Variants in VPS53 observed in about 807,000 individuals in gnomAD.
The protein encoded by VPS53 is VPS53 subunit of GARP complex.
In VPS53, 70 loss-of-function variants were observed where a neutral mutation model predicts 107.0. That is an observed-to-expected ratio of 0.65 (90% CI 0.54 to 0.80). The LOEUF is 0.80. Ranked by LOEUF, VPS53 falls within the 30% of genes least tolerant of loss-of-function variation. The pLI is 0.00. For missense variants in VPS53, 917 were observed against 1,049.4 expected (o/e 0.87, Z 1.74); for synonymous variants, 409 against 393.3 (o/e 1.04, Z -0.47).
In VPS53 at chr17:631,647, A is replaced by G. The variant is rs770476875; in HGVS notation, c.609-19T>C. On this transcript the variant is annotated intron_variant, in intron 7 of 21. Transcript: ENST00000437048. Reference sequence around the variant, plus strand: ...CTTCACTCTGTGAGGAAGAGAGAACATATCATCACCTGGCATCATATCCTT... The same window carrying G: ...CTTCACTCTGTGAGGAAGAGAGAACGTATCATCACCTGGCATCATATCCTT... The G allele has an allele frequency of 1.2e-6, 2 of 1,610,032 alleles. No individual in the cohort carries two copies. The highest frequency in any genetic ancestry group is 1.7e-6 in the Non-Finnish European group (2 of 1,176,416).
Position 519,780 on chromosome 17 carries a change from G to GT in VPS53, c.2328+45dup, listed in dbSNP as rs140756478. The stretch of plus-strand genomic sequence containing the variant: ...CCAATTCCCGGTTAAGAACCGCTGA[G>GT]TGTGAGGGGGATGAGCAGGTGTGGA... On this transcript the variant is annotated intron_variant, in intron 21 of 21. Coordinates refer to ENST00000437048, the MANE Select transcript of VPS53 (RefSeq NM_001128159.3). This position sits in a 1 kb window ranked among gnomAD's most constrained non-coding sequence, Gnocchi z 5.0. 3.1e-3 allele frequency: 4,288 copies of GT among 1,363,888 alleles called. 89 individuals carry two copies. In the African/African-American group the frequency reaches 0.045, roughly 14 times the overall value. The allele number at this position is 1,363,888 out of a possible 1,614,324, so 84.5% of individuals were successfully genotyped here. A position where few individuals can be genotyped will look rare whatever the true frequency, so the allele number is the denominator to read the frequency against.
At chr17:536,911 T>C in intron 18 of VPS53, 117 bp downstream of exon 18, 1 of 1,332,052 alleles carries the variant, frequency 7.5e-7, no homozygotes, top group African/African-American at 1.5e-5. Flanking sequence ...GGGGGTCAGG[T>C]ACACGGGAAA....
intron 1 of VPS53, among the ~76,000 whole-genome samples, chr17:713,627 G>C (rs1256544961): frequency 6.6e-6 from 1 of 151,868 alleles, no homozygotes; most frequent in African/African-American, 2.4e-5. Flanking sequence ...ACTCCAACCT[G>C]GGCGAAAGAG....
chr17:630,767 C>T (rs1440830146), intron 8 of VPS53, among the ~76,000 whole-genome samples: 2 of 152,114 alleles, frequency 1.3e-5, no homozygotes, highest in African/African-American at 4.8e-5. Context: ...AATGTATGTC[C>T]CCATCTCTAC....
chr17:537,400 T>C, intron 17 of VPS53: 1 of 501,620 alleles, frequency 2.0e-6, no homozygotes, highest in Non-Finnish European at 3.5e-6. Context: ...ACCCAGACCC[T>C]TTCCTTTTCC....
intron 11 of VPS53, among the ~76,000 whole-genome samples, chr17:617,714 G>A (rs1454058296): frequency 4.2e-4 from 61 of 143,612 alleles, no homozygotes; most frequent in Middle Eastern, 3.8e-3. Context: ...ATCAGGCCCC[G>A]CTATTATTTC....
intron 18 of VPS53, among the ~76,000 whole-genome samples, chr17:533,172 G>T (rs921230193): frequency 1.3e-5 from 2 of 152,210 alleles, no homozygotes; most frequent in African/African-American, 4.8e-5. Context: ...GCTCGTCAGA[G>T]CACAGCATTC....
chr17:660,148 G>T (rs1286160920), intron 5 of VPS53, among the ~76,000 whole-genome samples: 1 of 152,228 alleles, frequency 6.6e-6, no homozygotes, highest in Non-Finnish European at 1.5e-5. Context: ...GAGTCAGACA[G>T]ATCTAGGGCT....
chr17:695,937 C>T (rs538487203), intron 4 of VPS53, among the ~76,000 whole-genome samples: 25 of 152,332 alleles, frequency 1.6e-4, no homozygotes, highest in African/African-American at 5.8e-4. Context: ...AGCTAAGCAG[C>T]AGAATGCAGC....
At chr17:612,084 T>C (rs1364996397) in intron 11 of VPS53, among the ~76,000 whole-genome samples, 1 of 148,272 alleles carries the variant, frequency 6.7e-6, no homozygotes, top group African/African-American at 2.5e-5. Flanking sequence ...ATTCACATAG[T>C]GAGTTCACAC....
chr17:664,369 C>T (rs879659276), intron 4 of VPS53, among the ~76,000 whole-genome samples: 5 of 152,026 alleles, frequency 3.3e-5, no homozygotes, highest in African/African-American at 7.2e-5. Flanking sequence ...TGAGCCGCCG[C>T]GCCCAGCCTG....
intron 6 of VPS53, among the ~76,000 whole-genome samples, chr17:655,304 AATCTACTTTAT>A (rs1238840716): frequency 1.3e-5 from 2 of 151,992 alleles, no homozygotes; most frequent in Non-Finnish European, 2.9e-5. Flanking sequence ...GCCAAACGGA[AATCTACTTTAT>A]AAAAAAAAGT....
rs373067088 is a variant in VPS53, at chr17:627,180, A to G, written c.968T>C (p.Val323Ala). ...AERIAVEFCH[V>A]TRAELAKIMR... is the part of the protein sequence containing the mutation. ...GTAGAGAACTGGCATCTACCTTGTCACATGGCAAAATTCCACCGCAATCCT... is the reference window on the plus strand; with the variant it reads ...GTAGAGAACTGGCATCTACCTTGTCGCATGGCAAAATTCCACCGCAATCCT... The change falls in exon 10 of 22, where the codon GTG becomes GCG. Residue 323 changes from valine (V) to alanine (A), a missense_variant. Val to Ala is a moderately conservative substitution (Grantham distance 64). Coordinates refer to ENST00000437048, the MANE Select transcript of VPS53 (RefSeq NM_001128159.3). 21 of 1,612,482 alleles carry G rather than the reference A, an allele frequency of 1.3e-5. No individual in the cohort carries two copies. The highest frequency in any genetic ancestry group is 2.7e-5 in the African/African-American group (2 of 74,810).
At chr17:596,613 T>C (rs543135560) in intron 12 of VPS53, among the ~76,000 whole-genome samples, 36 of 152,316 alleles carry the variant, frequency 2.4e-4, no homozygotes, top group Non-Finnish European at 4.4e-4. Flanking sequence ...AGAGGAATAA[T>C]GGGAGAGACT....
At chr17:521,505 C>A in intron 20 of VPS53, 96 bp downstream of exon 20, 1 of 1,282,892 alleles carries the variant, frequency 7.8e-7, no homozygotes, top group Non-Finnish European at 1.0e-6. Context: ...GCTTTGAGGC[C>A]GGTGAGGATA....
At chr17:664,280 G>A (rs529862561) in intron 4 of VPS53, among the ~76,000 whole-genome samples, 4 of 151,966 alleles carry the variant, frequency 2.6e-5, no homozygotes, top group Admixed American at 6.6e-5. Context: ...GGGTTTCACC[G>A]TGTTGGCCAG....
intron 17 of VPS53, among the ~76,000 whole-genome samples, chr17:547,664 G>A (rs997198932): frequency 1.3e-5 from 2 of 152,058 alleles, no homozygotes; most frequent in Non-Finnish European, 2.9e-5. Context: ...ATAAAATAGA[G>A]TCTCACTCTG....
At chr17:560,101 A>C (rs1321586230) in intron 15 of VPS53, among the ~76,000 whole-genome samples, 1 of 152,238 alleles carries the variant, frequency 6.6e-6, no homozygotes, top group Non-Finnish European at 1.5e-5. Flanking sequence ...CCTAGCACAG[A>C]CAAGCTTGTT....
chr17:709,873 G>A (rs754470437), intron 2 of VPS53, among the ~76,000 whole-genome samples: 5 of 152,270 alleles, frequency 3.3e-5, no homozygotes, highest in South Asian at 2.1e-4. Flanking sequence ...GAGGCCGGGC[G>A]CAGTGGCTCA....
Sources: allele counts gnomAD v4.1 joint callset (sites outside exome capture counted in the v4.1 genomes callset), GRCh38; gene constraint gnomAD v4.1.1; non-coding constraint Gnocchi (gnomAD v3.1); transcripts MANE v1.5; gene names NCBI Gene and HGNC (gene_info 2026-07-23, HGNC 2026-07-21).